DOCK8: variants seen among roughly 807,000 people sequenced by gnomAD.
The protein encoded by DOCK8 is dedicator of cytokinesis 8.
In DOCK8, 141 loss-of-function variants were observed where a neutral mutation model predicts 245.6. The observed-to-expected ratio is 0.57, with a 90% CI of 0.50 to 0.66. DOCK8 has a LOEUF of 0.66. Ranked by LOEUF, DOCK8 falls within the 30% of genes least tolerant of loss-of-function variation. The pLI is 0.00. For synonymous variants in DOCK8, 1,168 were observed against 970.2 expected, an observed-to-expected ratio of 1.20 and a Z score of -3.79; for missense variants, 2,965 against 2,603.4, an observed-to-expected ratio of 1.14 and a Z score of -3.02.
At chr9:410,735 T>G (rs2055682637) in intron 28 of DOCK8, among the ~76,000 whole-genome samples, 1 of 151,944 alleles carries the variant, frequency 6.6e-6, no homozygotes. Flanking sequence ...CCAAAATAAA[T>G]GAAATAAAGA....
At chr9:222,107 C>G (rs548473475) in intron 1 of DOCK8, among the ~76,000 whole-genome samples, 1 of 151,610 alleles carries the variant, frequency 6.6e-6, no homozygotes, top group East Asian at 2.0e-4. Flanking sequence ...AAAAAGCAAA[C>G]AAAACATTAG....
chr9:230,479 G>A (rs1464811668), intron 1 of DOCK8, among the ~76,000 whole-genome samples: 1 of 152,078 alleles, frequency 6.6e-6, no homozygotes, highest in East Asian at 1.9e-4. Context: ...TCGCCACACT[G>A]ACTTCCACAA....
At chr9:219,469 CAAAAT>C (rs760362376) in intron 1 of DOCK8, among the ~76,000 whole-genome samples, 6 of 150,954 alleles carry the variant, frequency 4.0e-5, no homozygotes, top group African/African-American at 9.8e-5. Context: ...CACTCTGTTT[CAAAAT>C]AAAATAAAAT....
chr9:248,986 C>T (rs1320308690), intron 1 of DOCK8, among the ~76,000 whole-genome samples: 3 of 152,186 alleles, frequency 2.0e-5, no homozygotes, highest in African/African-American at 7.2e-5. Context: ...GGAAAGAGGG[C>T]TGCCTCCACC....
intron 14 of DOCK8, among the ~76,000 whole-genome samples, chr9:357,592 T>G (rs909292921): frequency 1.3e-5 from 2 of 152,222 alleles, no homozygotes; most frequent in Non-Finnish European, 2.9e-5. Flanking sequence ...ATACCATTTT[T>G]TTTTTCTGGC....
chr9:446,478 A>G lies in DOCK8; in HGVS notation c.5689A>G (p.Thr1897Ala). ...CAACCTCCGGAGGTTCATGTACACC[A>G]CCCCGTTCACCCTGGAGGGGCGGCC... is the stretch of plus-strand genomic sequence containing the variant. ...NFNLRRFMYT[T>A]PFTLEGRPRG... Residue 1897 changes from threonine to alanine, a missense_variant, in exon 44 of 48, where the codon ACC (threonine) becomes GCC (alanine). Physicochemically the swap from Thr to Ala is moderately conservative, Grantham distance 58. Around this residue, in one of 3 missense-constraint regions of DOCK8, gnomAD observed 2,825 missense variants for 2,453.5 expected, o/e 1.15. Coordinates refer to ENST00000432829, the MANE Select transcript of DOCK8 (RefSeq NM_203447.4). 6.2e-7 allele frequency: 1 copy of G among 1,613,936 alleles called. No homozygotes were observed. Among genetic ancestry groups the G allele is most frequent in the Non-Finnish European group, 8.5e-7 (1 of 1,179,988 alleles).
At chr9:319,596 G>A (rs1208425915) in intron 7 of DOCK8, among the ~76,000 whole-genome samples, 1 of 151,992 alleles carries the variant, frequency 6.6e-6, no homozygotes, top group Non-Finnish European at 1.5e-5. Flanking sequence ...AATATTAATG[G>A]CAAATGTTTT....
At chr9:394,392 C>T (rs1021551711) in intron 24 of DOCK8, among the ~76,000 whole-genome samples, 1 of 152,240 alleles carries the variant, frequency 6.6e-6, no homozygotes, top group African/African-American at 2.4e-5. Flanking sequence ...ATTTGCCTGA[C>T]CAATGCCCAG....
At chr9:302,396 C>G (rs2130559767) in intron 4 of DOCK8, among the ~76,000 whole-genome samples, 1 of 152,214 alleles carries the variant, frequency 6.6e-6, no homozygotes, top group Middle Eastern at 3.4e-3. Context: ...TACAAAAACC[C>G]TAGAGAAAAA....
At chr9:342,297 C>CTTTTTTTTTTTTTTTT (rs34071975) in intron 14 of DOCK8, among the ~76,000 whole-genome samples, 4 of 124,414 alleles carry the variant, frequency 3.2e-5, no homozygotes, top group African/African-American at 6.0e-5. Flanking sequence ...TTTCTTTTTT[C>CTTTTTTTTTTTTTTTT]TTTTTTTTTT....
At chr9:301,947 T>C (rs2049565103) in intron 4 of DOCK8, among the ~76,000 whole-genome samples, 1 of 152,052 alleles carries the variant, frequency 6.6e-6, no homozygotes, top group Admixed American at 6.6e-5. Flanking sequence ...TTCACTGCTA[T>C]TCCTATCTTA....
At chr9:232,432 CCT>C (rs1388437512) in intron 1 of DOCK8, among the ~76,000 whole-genome samples, 1 of 152,078 alleles carries the variant, frequency 6.6e-6, no homozygotes, top group African/African-American at 2.4e-5. Flanking sequence ...GGGAGTATTC[CCT>C]CTTTTTCTAT....
chr9:326,050 C>G (rs10970443), intron 8 of DOCK8, among the ~76,000 whole-genome samples: 3 of 151,970 alleles, frequency 2.0e-5, no homozygotes, highest in Non-Finnish European at 4.4e-5. Context: ...AGCTTGGATG[C>G]GCATGTAAAG....
chr9:436,637 G>A (rs967218938), intron 39 of DOCK8, among the ~76,000 whole-genome samples: 1 of 152,002 alleles, frequency 6.6e-6, no homozygotes, highest in Non-Finnish European at 1.5e-5. Context: ...GAATTCAGTT[G>A]ATTTGCTAAT....
chr9:252,253 G>A lies in DOCK8; in HGVS notation c.54-19374G>A, dbSNP rs191226865. Among the ~76,000 whole-genome samples, 4 of 151,878 alleles carry A rather than the reference G, an allele frequency of 2.6e-5. No individual in the cohort carries two copies. In the East Asian group the frequency reaches 5.9e-4, roughly 22 times the overall value. On this transcript the variant is annotated intron_variant, in intron 1 of 47. Transcript: ENST00000432829. ...CTCCCAAAGTGCTGGGATTACAAGC[G>A]TGAGCCACCGTGCCCAGCCCCAAGG...
chr9:327,990 A>G lies in DOCK8; in HGVS notation c.895-32A>G, dbSNP rs1342951159. Reference sequence around the variant, plus strand: ...TTTAAACCATGAATGCAACAGGTCTAACTTATATTTCACTTTGCTGCTCAT... The same window carrying G: ...TTTAAACCATGAATGCAACAGGTCTGACTTATATTTCACTTTGCTGCTCAT... On this transcript the variant is annotated intron_variant, in intron 8 of 47. Coordinates refer to ENST00000432829, the MANE Select transcript of DOCK8 (RefSeq NM_203447.4). The G allele has an allele frequency of 3.7e-6, 6 of 1,605,564 alleles. No homozygotes were observed. The African/African-American group carries it at 8.0e-5, about 21-fold the overall frequency.
chr9:380,077 G>T lies in DOCK8; in HGVS notation c.2605+142G>T, dbSNP rs936770829. 3 of 651,248 alleles carry T rather than the reference G, an allele frequency of 4.6e-6. No individual in the cohort carries two copies. The African/African-American group carries it at 5.6e-5, about 12-fold the overall frequency. 40.3% of individuals were successfully genotyped at this position (651,248 alleles called of 1,614,324 possible). A position where few individuals can be genotyped will look rare whatever the true frequency, so the allele number is the denominator to read the frequency against. On this transcript the variant is annotated intron_variant, in intron 21 of 47. Coordinates refer to ENST00000432829, the MANE Select transcript of DOCK8 (RefSeq NM_203447.4). ...CCCAGCACTCTAGGAGGCTGAGATG[G>T]CAGGATCGCTTGGAGCAGTGGCTCA...
At chr9:352,693 G>A (rs1032653573) in intron 14 of DOCK8, among the ~76,000 whole-genome samples, 1 of 147,960 alleles carries the variant, frequency 6.8e-6, no homozygotes, top group Non-Finnish European at 1.5e-5. Flanking sequence ...AGTGAGCCAA[G>A]ATCGCGCCAC....
At position 394,154 on chromosome 9, in the gene DOCK8, G is replaced by A. The variant is rs1393824444; in HGVS notation, c.2971-2631G>A. 2.0e-5 allele frequency among the ~76,000 whole-genome samples: 3 copies of A among 152,272 alleles called. No homozygotes were observed. The East Asian group carries it at 5.8e-4, about 29-fold the overall frequency. ...CCCACGTAATGATCCCCTTGTTTGT[G>A]CTCCTGTTGGCCAACTCCAACTGGA... On this transcript the variant is annotated intron_variant, in intron 24 of 47. Coordinates refer to ENST00000432829, the MANE Select transcript of DOCK8 (RefSeq NM_203447.4).
Sources: allele counts gnomAD v4.1 joint callset (sites outside exome capture counted in the v4.1 genomes callset), GRCh38; gene constraint gnomAD v4.1.1; regional missense constraint gnomAD v4.1.1; transcripts MANE v1.5; gene names NCBI Gene and HGNC (gene_info 2026-07-23, HGNC 2026-07-21).